Variants in SPG11 observed in about 807,000 individuals in gnomAD.
SPG11 encodes spatacsin.
Under a neutral mutation model 274.0 loss-of-function variants are expected in SPG11, and 222 were observed. The ratio of observed to expected loss-of-function variants is 0.81; its 90% confidence interval spans 0.73 to 0.91. SPG11 has a LOEUF of 0.91. SPG11 is among the 40% of genes least tolerant of loss of function. The probability of loss-of-function intolerance (pLI) is 0.00; values close to 1 mark genes in which losing one functional copy is unlikely to be tolerated. For synonymous variants in SPG11, 1,144 were observed against 1,039.7 expected, an observed-to-expected ratio of 1.10 and a Z score of -1.93; for missense variants, 3,114 against 2,872.7, an observed-to-expected ratio of 1.08 and a Z score of -1.92.
chr15:44,569,437 C>CT lies in SPG11; in HGVS notation c.6545dup (p.His2183AlafsTer4). 6.2e-7 allele frequency: 1 copy of CT among 1,606,998 alleles called. No homozygotes were observed. Among genetic ancestry groups the CT allele is most frequent in the Non-Finnish European group, 8.5e-7 (1 of 1,176,148 alleles). The stretch of plus-strand genomic sequence containing the variant: ...TCCTCATTAGCACTTCAAAGTAGTG[C>CT]TTTTTATGCAGCAAATCAAATATGT... On this transcript the variant is annotated frameshift_variant, in exon 35 of 40. Transcript: ENST00000261866. LOFTEE classifies it high-confidence loss of function.
intron 20 of SPG11, chr15:44,604,094 A>G: frequency 2.4e-6 from 1 of 413,724 alleles, no homozygotes; most frequent in Non-Finnish European, 4.7e-6. Context: ...TAGTTCTGGA[A>G]AACAGTGTAC....
Position 44,649,142 on chromosome 15 carries a change from T to C in SPG11, c.1457-131A>G, listed in dbSNP as rs1595923715. On this transcript the variant is annotated intron_variant, in intron 6 of 39. Transcript: ENST00000261866. Reference sequence around the variant, plus strand: ...ATATATTTATATTTACTGGATATCATGTACTATAATGATCTTAACTCATCA... The same window carrying C: ...ATATATTTATATTTACTGGATATCACGTACTATAATGATCTTAACTCATCA... 4 of 741,666 alleles carry C rather than the reference T, an allele frequency of 5.4e-6. No individual in the cohort carries two copies. The South Asian group carries it at 7.0e-5, about 13-fold the overall frequency. The allele number at this position is 741,666 out of a possible 1,614,324, so 45.9% of individuals were successfully genotyped here. A position where few individuals can be genotyped will look rare whatever the true frequency, so the allele number is the denominator to read the frequency against.
intron 7 of SPG11, among the ~76,000 whole-genome samples, chr15:44,639,552 A>C (rs2084380318): frequency 6.6e-6 from 1 of 152,078 alleles, no homozygotes; most frequent in African/African-American, 2.4e-5. Context: ...AAAATAAAAA[A>C]ATTAGCTGGG....
chr15:44,652,911 C>A (rs2084828456), intron 4 of SPG11, among the ~76,000 whole-genome samples: 1 of 152,110 alleles, frequency 6.6e-6, no homozygotes. Flanking sequence ...CCTGCCTCGG[C>A]CTCCAGTCCA....
chr15:44,575,004 G>A lies in SPG11; in HGVS notation c.5904C>T (p.Pro1968=), dbSNP rs774822306. 1.9e-6 allele frequency: 3 copies of A among 1,614,052 alleles called. No individual in the cohort carries two copies. The highest frequency in any genetic ancestry group is 1.3e-5 in the African/African-American group (1 of 75,028). ...SLDSQKFVTV[P]SSNEVVTNLE... is the part of the protein sequence containing the mutation. The stretch of plus-strand genomic sequence containing the variant: ...GGTTAGTTACCACTTCATTACTGGA[G>A]GGCACTGTCACAAACTTCTGACTAT... Residue 1968 remains proline, a synonymous_variant, in exon 31 of 40, where the codon CCC becomes CCT. Coordinates refer to ENST00000261866, the MANE Select transcript of SPG11 (RefSeq NM_025137.4).
intron 20 of SPG11, among the ~76,000 whole-genome samples, chr15:44,601,544 C>T (rs975818022): frequency 3.3e-5 from 5 of 150,486 alleles, no homozygotes; most frequent in African/African-American, 4.9e-5. Flanking sequence ...TACATGCGTG[C>T]GCCCAGCCTC....
In SPG11 at chr15:44,585,717, C is replaced by A. The variant is rs748057725; in HGVS notation, c.5040G>T (p.Leu1680=). ...QHECRSILER[L]QTDGQFALAR... is the part of the protein sequence containing the mutation. ...CCAAAGCGAATTGTCCATCTGTCTG[C>A]AGTCTTTCCAAAATAGATCTACATT... is the stretch of plus-strand genomic sequence containing the variant. The change falls in exon 29 of 40, where the codon CTG becomes CTT. Residue 1680 remains leucine, a synonymous_variant. Transcript: ENST00000261866. 47 of 1,613,656 alleles carry A rather than the reference C, an allele frequency of 2.9e-5. No homozygotes were observed. Among genetic ancestry groups the A allele is most frequent in the Non-Finnish European group, 4.0e-5 (47 of 1,179,950 alleles).
chr15:44,608,614 A>T lies in SPG11; in HGVS notation c.3292-9T>A, dbSNP rs767919393. On this transcript the variant is annotated splice_polypyrimidine_tract_variant and intron_variant, in intron 18 of 39. Coordinates refer to ENST00000261866, the MANE Select transcript of SPG11 (RefSeq NM_025137.4). ...TCTTCATTCTGAACAACCTAAGTAA[A>T]AAAACAGATAACAGGTTGGACAGTA... 6.2e-7 allele frequency: 1 copy of T among 1,613,278 alleles called. No individual in the cohort carries two copies. Among genetic ancestry groups the T allele is most frequent in the South Asian group, 1.1e-5 (1 of 90,986 alleles).
At chr15:44,606,132 G>A in intron 19 of SPG11, 41 bp from the exon 20 acceptor site, 2 of 1,578,250 alleles carry the variant, frequency 1.3e-6, no homozygotes, top group Non-Finnish European at 1.7e-6. Context: ...GAAGTTCACT[G>A]ATTATAAAAT....
intron 1 of SPG11, among the ~76,000 whole-genome samples, chr15:44,662,429 G>T (rs1237858339): frequency 2.6e-5 from 4 of 152,032 alleles, no homozygotes; most frequent in Non-Finnish European, 5.9e-5. Flanking sequence ...CCAACACTTT[G>T]GCAGGGAGAG....
Position 44,636,518 on chromosome 15 carries a change from C to T in SPG11, c.1603-2881G>A, listed in dbSNP as rs147090407. Among the ~76,000 whole-genome samples the T allele has an allele frequency of 3.7e-3, 566 of 151,672 alleles. 2 individuals are homozygous for T. Among genetic ancestry groups the T allele is most frequent in the African/African-American group, 0.013 (540 of 41,384 alleles). On this transcript the variant is annotated intron_variant, in intron 7 of 39. Transcript: ENST00000261866. ...CTACTAAAAAATACAAAAAATTAGCCGGGCGTGGTGGCGGGCGCCTATAAT... is the reference window on the plus strand; with the variant it reads ...CTACTAAAAAATACAAAAAATTAGCTGGGCGTGGTGGCGGGCGCCTATAAT...
Position 44,651,941 on chromosome 15 carries a change from T to C in SPG11, c.1008-2A>G, listed in dbSNP as rs765449311. On this transcript the variant is annotated splice_acceptor_variant, in intron 5 of 39. Coordinates refer to ENST00000261866, the MANE Select transcript of SPG11 (RefSeq NM_025137.4). LOFTEE classifies it high-confidence loss of function. The stretch of plus-strand genomic sequence containing the variant: ...GATGATAGCTGGGCTTTCCAAGACC[T>C]GGAAACAAGGTAAAATATAACTTAA... 6.2e-7 allele frequency: 1 copy of C among 1,608,834 alleles called. No homozygotes were observed. The highest frequency in any genetic ancestry group is 1.1e-5 in the South Asian group (1 of 90,172).
At chr15:44,573,799 A>G (rs2082477744) in intron 31 of SPG11, 54 bp from the exon 32 acceptor site, 34 of 1,565,822 alleles carry the variant, frequency 2.2e-5, no homozygotes, top group Admixed American at 6.8e-5. Flanking sequence ...GGAAAAAGCA[A>G]AAGAGCCCTT....
intron 11 of SPG11, among the ~76,000 whole-genome samples, chr15:44,624,065 G>C (rs1030837035): frequency 6.6e-6 from 1 of 151,918 alleles, no homozygotes; most frequent in African/African-American, 2.4e-5. Flanking sequence ...TCGGCTCAGA[G>C]AGTACTTTTA....
At chr15:44,645,838 T>C (rs769693774) in intron 7 of SPG11, among the ~76,000 whole-genome samples, 2 of 152,110 alleles carry the variant, frequency 1.3e-5, no homozygotes, top group Admixed American at 6.6e-5. Context: ...CCTTCTCTTT[T>C]CAAAAGAAGA....
rs1021522116 is a variant in SPG11 at position 44,603,079 on chromosome 15, C to G, written c.3521-2447G>C. 2.9e-5 allele frequency among the ~76,000 whole-genome samples: 4 copies of G among 136,384 alleles called. 1 individual carries two copies. In the South Asian group the frequency reaches 6.9e-4, roughly 24 times the overall value. 89.5% of individuals were successfully genotyped at this position (136,384 alleles called of 152,430 possible). On this transcript the variant is annotated intron_variant, in intron 20 of 39. Coordinates refer to ENST00000261866, the MANE Select transcript of SPG11 (RefSeq NM_025137.4). The stretch of plus-strand genomic sequence containing the variant: ...TTTTTTTTTTTTTTTTTTTTGGACA[C>G]AGGGTCTTGCTGTTGCCCAGGCTGG...
At chr15:44,660,675 T>C in intron 1 of SPG11, 59 bp from the exon 2 acceptor site, 2 of 1,517,448 alleles carry the variant, frequency 1.3e-6, no homozygotes, top group Middle Eastern at 1.7e-4. Context: ...TTACCCACAA[T>C]GGTGGGGGTA....
chr15:44,564,376 CTT>C (rs1317305000), intron 39 of SPG11, among the ~76,000 whole-genome samples, 169 bp downstream of exon 39: 5 of 152,176 alleles, frequency 3.3e-5, no homozygotes, highest in Non-Finnish European at 5.9e-5. Flanking sequence ...TTGTTGATCT[CTT>C]TGCATAAATC....
intron 4 of SPG11, among the ~76,000 whole-genome samples, chr15:44,656,876 AAAATC>A (rs1283782931): frequency 6.6e-6 from 1 of 152,228 alleles, no homozygotes; most frequent in Non-Finnish European, 1.5e-5. Flanking sequence ...AAATCAAATC[AAAATC>A]AAAACTTTGA....
Sources: allele counts gnomAD v4.1 joint callset (sites outside exome capture counted in the v4.1 genomes callset), GRCh38; gene constraint gnomAD v4.1.1; transcripts MANE v1.5; gene names NCBI Gene and HGNC (gene_info 2026-07-23, HGNC 2026-07-21).